Variants in TMEM132D observed in about 807,000 individuals in gnomAD.
TMEM132D encodes the protein mature OL transmembrane protein.
TMEM132D carries 21 observed loss-of-function variants against 62.3 expected under a neutral mutation model. The ratio of observed to expected loss-of-function variants is 0.34; its 90% CI spans 0.24 to 0.49. The LOEUF (loss-of-function observed/expected upper bound fraction) is 0.49. Ranked by LOEUF, TMEM132D falls within the 20% of genes least tolerant of loss-of-function variation. The pLI, the probability that TMEM132D is intolerant of heterozygous loss-of-function variation, is 0.99. For synonymous variants in TMEM132D, 621 were observed against 575.6 expected (o/e 1.08, Z -1.13); for missense variants, 1,346 against 1,402.8 (o/e 0.96, Z 0.65).
intron 4 of TMEM132D, among the ~76,000 whole-genome samples, chr12:129,314,532 T>C (rs900100381): frequency 2.0e-5 from 3 of 152,238 alleles, no homozygotes; most frequent in African/African-American, 7.2e-5. Context: ...ACAGTATAGT[T>C]TGAAATCAGG....
At chr12:129,591,214 G>A (rs1593079011) in intron 2 of TMEM132D, among the ~76,000 whole-genome samples, 2 of 152,268 alleles carry the variant, frequency 1.3e-5, no homozygotes, top group Non-Finnish European at 2.9e-5. Context: ...CAAAAGGGTA[G>A]CCAATGGCAT....
At chr12:129,183,139 G>A (rs1366978146) in intron 5 of TMEM132D, among the ~76,000 whole-genome samples, 2 of 152,172 alleles carry the variant, frequency 1.3e-5, no homozygotes, top group African/African-American at 2.4e-5. Flanking sequence ...TGACCAAAGC[G>A]GGCCAGGCCA....
intron 1 of TMEM132D, among the ~76,000 whole-genome samples, chr12:129,795,572 T>C (rs557423089): frequency 6.6e-6 from 1 of 152,340 alleles, no homozygotes; most frequent in Admixed American, 6.5e-5. Context: ...CATTCTGTTG[T>C]CACTTATATT....
At chr12:129,719,097 A>AAAGG (rs557081129) in intron 1 of TMEM132D, among the ~76,000 whole-genome samples, 4 of 39,404 alleles carry the variant, frequency 1.0e-4, no homozygotes, top group Non-Finnish European at 3.3e-4. Context: ...AAAAAAAAAA[A>AAAGG]AAGAAAAAAA....
At chr12:129,146,911 A>G (rs528767675) in intron 5 of TMEM132D, among the ~76,000 whole-genome samples, 1 of 152,284 alleles carries the variant, frequency 6.6e-6, no homozygotes, top group African/African-American at 2.4e-5. Flanking sequence ...TGAGGCTCAG[A>G]GGAATGAAGA....
chr12:129,510,908 T>C (rs1875478468), intron 3 of TMEM132D, among the ~76,000 whole-genome samples: 2 of 152,180 alleles, frequency 1.3e-5, no homozygotes, highest in Admixed American at 6.5e-5. Flanking sequence ...TTGGTCTGTG[T>C]GTCTGTTTTA....
chr12:129,207,613 C>T (rs1052889898), intron 5 of TMEM132D, among the ~76,000 whole-genome samples: 9 of 151,994 alleles, frequency 5.9e-5, no homozygotes, highest in Admixed American at 3.3e-4. Flanking sequence ...CAGGAGTGGC[C>T]GAGTCTCCAG....
chr12:129,307,940 C>T (rs1044886138), intron 4 of TMEM132D, among the ~76,000 whole-genome samples: 2 of 152,204 alleles, frequency 1.3e-5, no homozygotes, highest in African/African-American at 4.8e-5. Flanking sequence ...AAAGTCTAGA[C>T]ACCATCTCCA....
At position 129,181,756 on chromosome 12, in the gene TMEM132D, ATTCCAT is replaced by A. The variant is rs149333016; in HGVS notation, c.1443+27758_1443+27763del. On this transcript the variant is annotated intron_variant, in intron 5 of 8. Transcript: ENST00000422113. ...AAGAGACCCTATTTATTCTTAGAAGATTCCATTTCCAAGTCATCATCTCTGTGATAT... is the reference window on the plus strand; with the variant it reads ...AAGAGACCCTATTTATTCTTAGAAGATTCCAAGTCATCATCTCTGTGATAT... Among the ~76,000 whole-genome samples, 64 of 152,264 alleles carry A rather than the reference ATTCCAT, an allele frequency of 4.2e-4. No individual in the cohort carries two copies. The South Asian group carries it at 7.1e-3, about 17-fold the overall frequency.
intron 1 of TMEM132D, among the ~76,000 whole-genome samples, chr12:129,819,690 G>C (rs1182851712): frequency 1.3e-5 from 2 of 152,172 alleles, no homozygotes; most frequent in African/African-American, 4.8e-5. Flanking sequence ...GCAGTGCCTG[G>C]CACGTAGTTA....
chr12:129,117,980 A>G (rs1394786979), intron 5 of TMEM132D, among the ~76,000 whole-genome samples: 1 of 152,204 alleles, frequency 6.6e-6, no homozygotes, highest in African/African-American at 2.4e-5. Flanking sequence ...TTTCCTGGCT[A>G]GAGCTCCCCA....
chr12:129,206,305 AT>A (rs1000312495), intron 5 of TMEM132D, among the ~76,000 whole-genome samples: 1 of 152,240 alleles, frequency 6.6e-6, no homozygotes, highest in Non-Finnish European at 1.5e-5. Context: ...ATGAACAGAC[AT>A]TTTTCAAAAG....
chr12:129,564,374 G>C (rs888795124), intron 2 of TMEM132D, among the ~76,000 whole-genome samples: 62 of 152,168 alleles, frequency 4.1e-4, no homozygotes, highest in Non-Finnish European at 2.1e-4. Flanking sequence ...AGACTAAAAG[G>C]AACATGATAT....
intron 2 of TMEM132D, among the ~76,000 whole-genome samples, chr12:129,644,820 T>G (rs912386155): frequency 1.0e-5 from 1 of 97,732 alleles, no homozygotes; most frequent in Non-Finnish European, 2.2e-5. Flanking sequence ...CTACTAAAAA[T>G]ACAAAAAAAA....
chr12:129,096,570 C>T (rs1347867813), intron 5 of TMEM132D, among the ~76,000 whole-genome samples: 2 of 152,190 alleles, frequency 1.3e-5, no homozygotes, highest in African/African-American at 4.8e-5. Context: ...AAGAGCGGGA[C>T]TCAGCTCAAA....
intron 2 of TMEM132D, among the ~76,000 whole-genome samples, chr12:129,674,985 T>C (rs1418029744): frequency 6.6e-6 from 1 of 152,222 alleles, no homozygotes; most frequent in Non-Finnish European, 1.5e-5. Context: ...GAATAAAGTT[T>C]ACTCTATTTT....
At chr12:129,347,024 A>G (rs1047812870) in intron 3 of TMEM132D, among the ~76,000 whole-genome samples, 2 of 152,214 alleles carry the variant, frequency 1.3e-5, no homozygotes, top group African/African-American at 4.8e-5. Context: ...CTCTTCAAGG[A>G]GAACTACAAA....
At chr12:129,559,159 A>C (rs1877143912) in intron 2 of TMEM132D, among the ~76,000 whole-genome samples, 1 of 152,216 alleles carries the variant, frequency 6.6e-6, no homozygotes, top group Admixed American at 6.5e-5. Flanking sequence ...AACCCAACAC[A>C]ATCCACCTAG....
chr12:129,858,622 T>G (rs537493825), intron 1 of TMEM132D, among the ~76,000 whole-genome samples: 35 of 18,956 alleles, frequency 1.8e-3, no homozygotes, highest in East Asian at 3.1e-3. Flanking sequence ...AACAGAGTCC[T>G]GGGAAACGGG....
Sources: allele counts gnomAD v4.1 joint callset (sites outside exome capture counted in the v4.1 genomes callset), GRCh38; gene constraint gnomAD v4.1.1; transcripts MANE v1.5; gene names NCBI Gene and HGNC (gene_info 2026-07-23, HGNC 2026-07-21).